The following LYPLA1 variants were observed in gnomAD, a reference collection of about 807,000 sequenced individuals.
LYPLA1 encodes acyl-protein thioesterase 1.
Under a neutral mutation model 34.0 loss-of-function variants are expected in LYPLA1, and 17 were observed. That is an observed-to-expected ratio of 0.50 (90% CI 0.34 to 0.75). The LOEUF (loss-of-function observed/expected upper bound fraction) is 0.75. Among genes scored for constraint, LYPLA1 ranks in the 30% least tolerant of loss-of-function variants. The pLI is 0.01. For missense variants in LYPLA1, 203 were observed against 288.8 expected, an observed-to-expected ratio of 0.70 and a Z score of 2.15; for synonymous variants, 98 against 100.8, an observed-to-expected ratio of 0.97 and a Z score of 0.17.
chr8:54,101,768 T>C lies in LYPLA1; in HGVS notation c.56A>G (p.Lys19Arg). Residue 19 changes from lysine to arginine, a missense_variant, in exon 1 of 9, where the codon AAG (lysine) becomes AGG (arginine). Lys to Arg is a conservative substitution (Grantham distance 26). Around this residue, in one of 3 missense-constraint regions of LYPLA1, gnomAD observed 75 missense variants for 73.5 expected, o/e 1.02. Transcript: ENST00000316963. ...TACGCCACTCACCGCAGCGGTGGCCTTCCGGGCGGCGGGCACGATGGCGGG... is the reference window on the plus strand; with the variant it reads ...TACGCCACTCACCGCAGCGGTGGCCCTCCGGGCGGCGGGCACGATGGCGGG... ...PLPAIVPAAR[K>R]ATAAVIFLHG... The C allele has an allele frequency of 1.5e-6, 2 of 1,300,834 alleles. No individual in the cohort carries two copies. The highest frequency in any genetic ancestry group is 2.0e-6 in the Non-Finnish European group (2 of 1,016,342). The allele number at this position is 1,300,834 out of a possible 1,614,324, so 80.6% of individuals were successfully genotyped here.
At chr8:54,051,223 T>G (rs760560607) in intron 7 of LYPLA1, 35 bp from the exon 8 acceptor site, 110 of 1,541,164 alleles carry the variant, frequency 7.1e-5, no homozygotes, top group Non-Finnish European at 8.7e-5. Context: ...GTTTTATTTT[T>G]GTAAAAGTAT....
chr8:54,046,174 T>A (rs1225773790), downstream of LYPLA1, among the ~76,000 whole-genome samples: 1 of 151,490 alleles, frequency 6.6e-6, no homozygotes, highest in African/African-American at 2.4e-5. Context: ...ATTTGGGAAA[T>A]TTTTTTTTAG....
chr8:54,093,123 C>T (rs1437894010), intron 2 of LYPLA1, among the ~76,000 whole-genome samples: 1 of 152,230 alleles, frequency 6.6e-6, no homozygotes, highest in Non-Finnish European at 1.5e-5. Context: ...GGATCGTTCA[C>T]TTGTGGATAA....
chr8:54,065,698 T>G (rs756899319), intron 3 of LYPLA1, 50 bp downstream of exon 3: 8 of 1,425,382 alleles, frequency 5.6e-6, no homozygotes, highest in Non-Finnish European at 7.9e-6. Context: ...CAATCACAAT[T>G]GCTCCTCTCC....
intron 8 of LYPLA1, 58 bp from the exon 9 acceptor site, chr8:54,048,176 C>A: frequency 9.2e-7 from 1 of 1,086,580 alleles, no homozygotes; most frequent in South Asian, 1.3e-5. Context: ...AAATTAAATT[C>A]CCACTAAAAT....
chr8:54,071,968 T>C (rs1807505573), intron 2 of LYPLA1, among the ~76,000 whole-genome samples: 1 of 152,100 alleles, frequency 6.6e-6, no homozygotes. Context: ...AGGCATCATG[T>C]TACTGGACTT....
At chr8:54,049,422 T>C (rs1264507002) in intron 8 of LYPLA1, among the ~76,000 whole-genome samples, 1 of 152,102 alleles carries the variant, frequency 6.6e-6, no homozygotes, top group Non-Finnish European at 1.5e-5. Context: ...TTCTTTTTTT[T>C]AGGGTCTCAC....
At chr8:54,099,330 C>A (rs1216088863) in intron 2 of LYPLA1, among the ~76,000 whole-genome samples, 2 of 152,136 alleles carry the variant, frequency 1.3e-5, no homozygotes, top group Non-Finnish European at 2.9e-5. Context: ...GTGCTGCAAC[C>A]TTTTCTGTAA....
intron 2 of LYPLA1, among the ~76,000 whole-genome samples, chr8:54,079,999 G>C (rs369268636): frequency 1.3e-4 from 20 of 152,170 alleles, no homozygotes; most frequent in African/African-American, 4.6e-4. Flanking sequence ...GATGACCTCA[G>C]GGATAACTAA....
intron 5 of LYPLA1, among the ~76,000 whole-genome samples, chr8:54,056,976 A>C (rs1411481892): frequency 6.6e-6 from 1 of 152,182 alleles, no homozygotes; most frequent in African/African-American, 2.4e-5. Flanking sequence ...AAGATGACAT[A>C]AAAATGGCAA....
intron 8 of LYPLA1, among the ~76,000 whole-genome samples, chr8:54,050,578 G>A (rs1805777355): frequency 6.6e-6 from 1 of 152,090 alleles, no homozygotes; most frequent in South Asian, 2.1e-4. Flanking sequence ...AAATCCCACC[G>A]TTTTTCAAAA....
rs74571612 is a variant in LYPLA1, at chr8:54,084,931, A to G, written c.101+15977T>C. Among the ~76,000 whole-genome samples the G allele has an allele frequency of 1.2e-3, 189 of 152,252 alleles. 1 individual carries two copies. The highest frequency in any genetic ancestry group is 2.2e-3 in the Non-Finnish European group (151 of 68,024). ...AAAAGCCCAGTACCACATGGCTTCA[A>G]GGTGAAGTCTACCAATCCAATGTTT... is the stretch of plus-strand genomic sequence containing the variant. On this transcript the variant is annotated intron_variant, in intron 2 of 8. Coordinates refer to ENST00000316963, the MANE Select transcript of LYPLA1 (RefSeq NM_006330.4).
At chr8:54,100,815 T>G in intron 2 of LYPLA1, 93 bp downstream of exon 2, 2 of 996,792 alleles carry the variant, frequency 2.0e-6, no homozygotes, top group Non-Finnish European at 3.2e-6. Flanking sequence ...AAATACCATT[T>G]TAGCGCCCTT....
intron 2 of LYPLA1, among the ~76,000 whole-genome samples, chr8:54,079,026 T>G (rs1808116273): frequency 6.6e-6 from 1 of 152,098 alleles, no homozygotes; most frequent in Admixed American, 6.6e-5. Context: ...TGCTCTGTCG[T>G]CCAGGCTGGA....
chr8:54,092,704 G>T (rs1404545925), intron 2 of LYPLA1, among the ~76,000 whole-genome samples: 2 of 152,132 alleles, frequency 1.3e-5, no homozygotes, highest in African/African-American at 4.8e-5. Flanking sequence ...AATTCTGGCT[G>T]GGTGTAGTGG....
At chr8:54,045,800 C>T (rs112286898), downstream of LYPLA1, among the ~76,000 whole-genome samples, 11 of 152,364 alleles carry the variant, frequency 7.2e-5, no homozygotes, top group African/African-American at 2.6e-4. Flanking sequence ...GTGGCTCACG[C>T]CTATAATCCC....
chr8:54,084,137 A>ATATAT (rs1563642470), intron 2 of LYPLA1, among the ~76,000 whole-genome samples: 77 of 120,060 alleles, frequency 6.4e-4, no homozygotes, highest in African/African-American at 3.2e-3. Flanking sequence ...AAAAAAAATA[A>ATATAT]ATAAATATAT....
chr8:54,076,625 C>G (rs1456097275), intron 2 of LYPLA1, among the ~76,000 whole-genome samples: 5 of 152,156 alleles, frequency 3.3e-5, no homozygotes, highest in African/African-American at 1.2e-4. Context: ...AATGCTCACG[C>G]TGGAAGGTTG....
At position 54,063,330 on chromosome 8, in the gene LYPLA1, T is replaced by G; in HGVS notation, c.213A>C (p.Ser71=). Residue 71 remains serine (S), a splice_region_variant and synonymous_variant, in exon 4 of 9, where the codon TCA becomes TCC. Transcript: ENST00000316963. ...VTLNMNVAMP[S]WFDIIGLSPD... ...TCAATAAGTAAATTCTTACTTACCA[T>G]GAAGGCATAGCCACGTTCATATTTA... is the stretch of plus-strand genomic sequence containing the variant. 1 of 1,513,584 alleles carries G rather than the reference T, an allele frequency of 6.6e-7. No individual in the cohort carries two copies. The highest frequency in any genetic ancestry group is 1.3e-5 in the South Asian group (1 of 77,754). The allele number at this position is 1,513,584 out of a possible 1,614,324, so 93.8% of individuals were successfully genotyped here. A position where few individuals can be genotyped will look rare whatever the true frequency, so the allele number is the denominator to read the frequency against.
Sources: allele counts gnomAD v4.1 joint callset (sites outside exome capture counted in the v4.1 genomes callset), GRCh38; gene constraint gnomAD v4.1.1; regional missense constraint gnomAD v4.1.1; transcripts MANE v1.5; gene names NCBI Gene and HGNC (gene_info 2026-07-23, HGNC 2026-07-21).